MAP3K5: variants seen among roughly 807,000 people sequenced by gnomAD.
MAP3K5 encodes the protein ASK-1.
MAP3K5 carries 56 observed loss-of-function variants against 158.7 expected under a neutral mutation model. The observed-to-expected ratio is 0.35, with a 90% CI of 0.28 to 0.44. The LOEUF is 0.44. MAP3K5 is among the 20% of genes least tolerant of loss of function. The pLI is 1.00. For missense variants in MAP3K5, 1,294 were observed against 1,674.8 expected (o/e 0.77, Z 3.97); for synonymous variants, 579 against 601.7 (o/e 0.96, Z 0.55).
At chr6:136,783,725 T>C (rs1213687204) in intron 1 of MAP3K5, among the ~76,000 whole-genome samples, 1 of 152,218 alleles carries the variant, frequency 6.6e-6, no homozygotes, top group Non-Finnish European at 1.5e-5. Flanking sequence ...GGGGCCATCA[T>C]TGCACAGCAC....
chr6:136,660,380 T>C (rs192653281), intron 8 of MAP3K5, among the ~76,000 whole-genome samples: 1 of 151,974 alleles, frequency 6.6e-6, no homozygotes, highest in Non-Finnish European at 1.5e-5. Flanking sequence ...AGCAAGATTC[T>C]GTCTCATGAA....
chr6:136,772,655 G>A (rs1345709033), intron 1 of MAP3K5, among the ~76,000 whole-genome samples: 3 of 152,110 alleles, frequency 2.0e-5, no homozygotes, highest in East Asian at 1.9e-4. Context: ...AAATCAAGCC[G>A]AGTTTTGAAA....
intron 11 of MAP3K5, among the ~76,000 whole-genome samples, chr6:136,643,265 T>C (rs530728916): frequency 5.1e-4 from 77 of 152,350 alleles, no homozygotes; most frequent in African/African-American, 1.7e-3. Flanking sequence ...ATAAAATTAT[T>C]ATCAAATTCA....
At chr6:136,754,738 C>A (rs1783395825) in intron 1 of MAP3K5, among the ~76,000 whole-genome samples, 1 of 152,178 alleles carries the variant, frequency 6.6e-6, no homozygotes, top group South Asian at 2.1e-4. Flanking sequence ...AAGAACAGGA[C>A]ACCCACATGC....
intron 1 of MAP3K5, among the ~76,000 whole-genome samples, chr6:136,779,434 C>T (rs1037677446): frequency 7.7e-6 from 1 of 129,982 alleles, no homozygotes; most frequent in Non-Finnish European, 1.6e-5. Flanking sequence ...CAGAGTGACA[C>T]CCTGTCTCAA....
At position 136,791,901 on chromosome 6, in the gene MAP3K5, C is replaced by G. The variant is rs1312297871; in HGVS notation, c.257G>C (p.Gly86Ala). 1.9e-6 allele frequency: 3 copies of G among 1,613,258 alleles called. No homozygotes were observed. The highest frequency in any genetic ancestry group is 2.5e-6 in the Non-Finnish European group (3 of 1,179,896). Residue 86 changes from glycine (G) to alanine (A), a missense_variant, in exon 1 of 30, where the codon GGG becomes GCG. Gly to Ala is a moderately conservative substitution (Grantham distance 60). Around this residue, in one of 5 missense-constraint regions of MAP3K5, gnomAD observed 690 missense variants for 870.5 expected, o/e 0.79. Transcript: ENST00000359015. ...ATRGRGSSVG[G>A]GSRRTTVAYV... Reference sequence around the variant, plus strand: ...TGCCACCGTGGTCCGTCGGCTGCCCCCGCCAACAGAGCTGCCCCGGCCTCG... The same window carrying G: ...TGCCACCGTGGTCCGTCGGCTGCCCGCGCCAACAGAGCTGCCCCGGCCTCG...
At chr6:136,690,819 A>T (rs1344378026) in intron 7 of MAP3K5, among the ~76,000 whole-genome samples, 1 of 152,012 alleles carries the variant, frequency 6.6e-6, no homozygotes. Context: ...TTTTTCCTAT[A>T]GATCCATTTG....
intron 14 of MAP3K5, among the ~76,000 whole-genome samples, chr6:136,632,991 A>G (rs1027940301): frequency 6.6e-6 from 1 of 152,240 alleles, no homozygotes; most frequent in Non-Finnish European, 1.5e-5. Context: ...GTTAAAAGAC[A>G]GAAAATCCTT....
chr6:136,771,134 G>C lies in MAP3K5; in HGVS notation c.448+20576C>G, dbSNP rs556772309. Reference sequence around the variant, plus strand: ...GCAGATGCTTAACCTACAGCTCTGAGGTCTGGGCTACAAATATGAATTAGG... The same window carrying C: ...GCAGATGCTTAACCTACAGCTCTGACGTCTGGGCTACAAATATGAATTAGG... On this transcript the variant is annotated intron_variant, in intron 1 of 29. Coordinates refer to ENST00000359015, the MANE Select transcript of MAP3K5 (RefSeq NM_005923.4). 4.6e-5 allele frequency among the ~76,000 whole-genome samples: 7 copies of C among 152,238 alleles called. No homozygotes were observed. The South Asian group carries it at 1.5e-3, about 32-fold the overall frequency.
At chr6:136,764,256 G>A (rs769607419) in intron 1 of MAP3K5, among the ~76,000 whole-genome samples, 42 of 152,174 alleles carry the variant, frequency 2.8e-4, no homozygotes, top group Admixed American at 1.3e-3. Context: ...TTGAGACTGA[G>A]TTGGTGCTGT....
intron 1 of MAP3K5, among the ~76,000 whole-genome samples, chr6:136,727,798 A>C (rs1782032551): frequency 9.2e-6 from 1 of 108,226 alleles, no homozygotes; most frequent in African/African-American, 4.1e-5. Context: ...GTCTCTACTA[A>C]AAATACAAAA....
intron 1 of MAP3K5, among the ~76,000 whole-genome samples, chr6:136,738,256 C>T (rs190533514): frequency 5.5e-4 from 84 of 152,254 alleles, no homozygotes; most frequent in Non-Finnish European, 1.0e-3. Flanking sequence ...TCTCCTGTAA[C>T]GTATCGCTTG....
chr6:136,647,990 G>C (rs1326183055), intron 11 of MAP3K5: 2 of 152,170 alleles, frequency 1.3e-5, no homozygotes, highest in Non-Finnish European at 2.9e-5. Context: ...CTCGGGTGTA[G>C]CATGATGCAT....
chr6:136,591,277 G>A (rs1775373742), intron 23 of MAP3K5, among the ~76,000 whole-genome samples: 1 of 152,298 alleles, frequency 6.6e-6, no homozygotes, highest in East Asian at 1.9e-4. Context: ...GCATCCCAAG[G>A]ATGTGCACGT....
chr6:136,792,438 G>A lies in MAP3K5; in HGVS notation c.-281C>T. The A allele has an allele frequency of 1.1e-6, 1 of 942,282 alleles. No homozygotes were observed. Among genetic ancestry groups the A allele is most frequent in the Non-Finnish European group, 1.3e-6 (1 of 790,734 alleles). 58.4% of individuals were successfully genotyped at this position (942,282 alleles called of 1,614,324 possible). On this transcript the variant is annotated 5_prime_UTR_variant, in exon 1 of 30. Transcript: ENST00000359015. This position sits in a 1 kb window ranked among gnomAD's most constrained non-coding sequence, Gnocchi z 5.7. ...TGGGGAAGCCGGGTGAGCGGGAAGGGACGGAGCTTCCTTTTCTTGGCCGGC... is the reference window on the plus strand; with the variant it reads ...TGGGGAAGCCGGGTGAGCGGGAAGGAACGGAGCTTCCTTTTCTTGGCCGGC...
At chr6:136,602,759 T>C (rs375454484) in intron 19 of MAP3K5, among the ~76,000 whole-genome samples, 36 of 152,312 alleles carry the variant, frequency 2.4e-4, no homozygotes, top group African/African-American at 8.2e-4. Context: ...TTAGAAAGGA[T>C]GAGGTAACAA....
Position 136,697,210 on chromosome 6 carries a change from T to A in MAP3K5, c.975+9A>T, listed in dbSNP as rs750282215. On this transcript the variant is annotated intron_variant, in intron 5 of 29. Coordinates refer to ENST00000359015, the MANE Select transcript of MAP3K5 (RefSeq NM_005923.4). ...CACAACAAAGATTTCACTTTAAACA[T>A]CTTCTCACCTGGATATCTCTGTAGG... 1 of 1,605,398 alleles carries A rather than the reference T, an allele frequency of 6.2e-7. No individual in the cohort carries two copies. The highest frequency in any genetic ancestry group is 8.5e-7 in the Non-Finnish European group (1 of 1,174,792).
At chr6:136,724,248 CT>C (rs1213577934) in intron 1 of MAP3K5, among the ~76,000 whole-genome samples, 6,937 of 134,600 alleles carry the variant, frequency 0.052, 426 homozygotes, top group African/African-American at 0.17. Context: ...GAGAAACTGA[CT>C]TTTTTTTTTT....
Position 136,791,945 on chromosome 6 carries a change from G to A in MAP3K5, c.213C>T (p.Thr71=). 1 of 1,611,248 alleles carries A rather than the reference G, an allele frequency of 6.2e-7. No homozygotes were observed. The highest frequency in any genetic ancestry group is 8.5e-7 in the Non-Finnish European group (1 of 1,179,102). ...GGCCTCGGGTGGCACTGCTCGAGGA[G>A]GTGGCCGCCGGACAACCGATGCCAG... The part of the protein sequence containing the change: ...AAPGIGCPAA[T]SSSSATRGRG... Residue 71 remains threonine, a synonymous_variant, in exon 1 of 30, where the codon ACC becomes ACT. Coordinates refer to ENST00000359015, the MANE Select transcript of MAP3K5 (RefSeq NM_005923.4).
Sources: gnomAD v4.1 joint callset for allele counts (sites outside exome capture counted in the v4.1 genomes callset) on GRCh38, gnomAD v4.1.1 for gene constraint, gnomAD v4.1.1 regional missense constraint, Gnocchi (gnomAD v3.1) non-coding constraint, MANE v1.5 for transcripts, NCBI Gene and HGNC (gene_info 2026-07-23, HGNC 2026-07-21) for gene names.